FER: variants seen among roughly 807,000 people sequenced by gnomAD.
FER encodes the protein tyrosine-protein kinase Fer.
FER carries 63 observed loss-of-function variants against 111.0 expected under a neutral mutation model. The observed-to-expected ratio is 0.57, with a 90% CI of 0.46 to 0.70. The LOEUF is 0.70. Ranked by LOEUF, FER falls within the 30% of genes least tolerant of loss-of-function variation. FER has a pLI of 0.00. For synonymous variants in FER, 327 were observed against 313.9 expected, an observed-to-expected ratio of 1.04 and a Z score of -0.44; for missense variants, 914 against 954.0, an observed-to-expected ratio of 0.96 and a Z score of 0.55.
intron 16 of FER, among the ~76,000 whole-genome samples, chr5:109,063,871 T>C (rs1431874241): frequency 6.6e-6 from 1 of 152,044 alleles, no homozygotes; most frequent in African/African-American, 2.4e-5. Flanking sequence ...GAATGAGTAC[T>C]TTTTTTCTTT....
At chr5:108,985,670 G>T (rs58620246) in intron 13 of FER, among the ~76,000 whole-genome samples, 11,291 of 152,150 alleles carry the variant, frequency 0.074, 1,054 homozygotes, top group African/African-American at 0.22. Context: ...TCCCACTCAT[G>T]AGTGAGAACA....
chr5:109,102,291 G>T (rs1251189301), intron 17 of FER, among the ~76,000 whole-genome samples: 2 of 152,022 alleles, frequency 1.3e-5, no homozygotes, highest in African/African-American at 2.4e-5. Context: ...CTAGCAGGTT[G>T]TGCATAGACC....
chr5:108,798,044 G>T (rs1756235646), intron 2 of FER, 80 bp from the exon 3 acceptor site: 2 of 543,336 alleles, frequency 3.7e-6, no homozygotes, highest in South Asian at 3.1e-5. Context: ...CCCCAAAGAA[G>T]AATCTATCAT....
chr5:109,125,045 CAAA>C (rs373849561), intron 17 of FER, among the ~76,000 whole-genome samples: 4 of 75,612 alleles, frequency 5.3e-5, no homozygotes, highest in Admixed American at 2.9e-4. Flanking sequence ...GACTCTGTCT[CAAA>C]AAAAAAAAAA....
At chr5:109,084,748 A>G (rs1421710430) in intron 16 of FER, among the ~76,000 whole-genome samples, 2 of 151,886 alleles carry the variant, frequency 1.3e-5, no homozygotes, top group Non-Finnish European at 2.9e-5. Context: ...AGATCTATAA[A>G]TCATTTGAAA....
chr5:109,173,522 C>T (rs1293433638), intron 17 of FER, among the ~76,000 whole-genome samples: 1 of 152,200 alleles, frequency 6.6e-6, no homozygotes, highest in East Asian at 1.9e-4. Context: ...GCATTGTTGT[C>T]CCCACCCAGT....
intron 11 of FER, among the ~76,000 whole-genome samples, chr5:108,953,848 ACT>A (rs1239058841): frequency 6.6e-6 from 1 of 152,054 alleles, no homozygotes; most frequent in Non-Finnish European, 1.5e-5. Flanking sequence ...ACCGCAAAGT[ACT>A]CTCTCTATCT....
chr5:108,882,034 T>C (rs748426238), intron 8 of FER, among the ~76,000 whole-genome samples: 4 of 152,172 alleles, frequency 2.6e-5, no homozygotes, highest in Admixed American at 6.6e-5. Flanking sequence ...TATATATGTG[T>C]ACCTAATTCT....
intron 10 of FER, among the ~76,000 whole-genome samples, chr5:108,902,462 T>G (rs1750175861): frequency 6.6e-6 from 1 of 152,124 alleles, no homozygotes; most frequent in Non-Finnish European, 1.5e-5. Context: ...AGAATTTGAG[T>G]CATGTTGGGT....
rs1208473956 is a variant in FER at position 108,756,173 on chromosome 5, AT to A, written c.-206+8174del. On this transcript the variant is annotated intron_variant, in intron 1 of 19. Transcript: ENST00000281092. ...CTCCATCTCAAAAAAAAAAAAAAAA[AT>A]AATAATAATAAATACAATAAAAAGA... is the stretch of plus-strand genomic sequence containing the variant. 1.5e-3 allele frequency among the ~76,000 whole-genome samples: 218 copies of A among 142,614 alleles called. 1 individual carries two copies. The highest frequency in any genetic ancestry group is 4.3e-3 in the African/African-American group (166 of 38,902). The allele number at this position is 142,614 out of a possible 152,430, so 93.6% of individuals were successfully genotyped here.
At chr5:109,004,311 A>T (rs972346596) in intron 13 of FER, among the ~76,000 whole-genome samples, 1 of 152,156 alleles carries the variant, frequency 6.6e-6, no homozygotes, top group Non-Finnish European at 1.5e-5. Flanking sequence ...CATTTCCCTA[A>T]TCACAGAATA....
intron 1 of FER, among the ~76,000 whole-genome samples, chr5:108,767,527 C>T (rs376187626): frequency 1.3e-5 from 2 of 152,098 alleles, no homozygotes; most frequent in South Asian, 2.1e-4. Flanking sequence ...CTCTGTCATC[C>T]GAGCTGAGGT....
At chr5:108,767,535 G>A (rs1752455045) in intron 1 of FER, among the ~76,000 whole-genome samples, 1 of 152,148 alleles carries the variant, frequency 6.6e-6, no homozygotes, top group Non-Finnish European at 1.5e-5. Context: ...TCCGAGCTGA[G>A]GTGCAGTGGC....
intron 3 of FER, among the ~76,000 whole-genome samples, chr5:108,801,364 T>C (rs1281210275): frequency 2.0e-5 from 3 of 152,234 alleles, no homozygotes; most frequent in Non-Finnish European, 4.4e-5. Context: ...TTTTTGTCTA[T>C]CATGACATCA....
At chr5:109,118,310 A>G (rs1242211787) in intron 17 of FER, among the ~76,000 whole-genome samples, 2 of 152,172 alleles carry the variant, frequency 1.3e-5, no homozygotes, top group Non-Finnish European at 2.9e-5. Context: ...GATTATATTT[A>G]TTGATTTTCG....
intron 17 of FER, among the ~76,000 whole-genome samples, chr5:109,144,424 T>G (rs1353031332): frequency 6.6e-6 from 1 of 152,112 alleles, no homozygotes; most frequent in Non-Finnish European, 1.5e-5. Context: ...AAATCAAGAT[T>G]ACAGTGCATC....
chr5:109,048,063 C>T (rs912285722), intron 16 of FER, among the ~76,000 whole-genome samples: 2 of 152,068 alleles, frequency 1.3e-5, no homozygotes, highest in Admixed American at 6.5e-5. Flanking sequence ...TTACTTTTAA[C>T]AATTATTTAC....
At chr5:109,075,659 G>A (rs1239536397) in intron 16 of FER, among the ~76,000 whole-genome samples, 1 of 151,870 alleles carries the variant, frequency 6.6e-6, no homozygotes, top group East Asian at 1.9e-4. Context: ...TCCTGACCTC[G>A]TGATCCACCC....
intron 10 of FER, among the ~76,000 whole-genome samples, chr5:108,902,856 T>C (rs1750231024): frequency 6.6e-6 from 1 of 152,044 alleles, no homozygotes; most frequent in South Asian, 2.1e-4. Context: ...GATGAGAATA[T>C]CAAAATTTTC....
Sources: gnomAD v4.1 joint callset for allele counts (sites outside exome capture counted in the v4.1 genomes callset) on GRCh38, gnomAD v4.1.1 for gene constraint, MANE v1.5 for transcripts, NCBI Gene and HGNC (gene_info 2026-07-23, HGNC 2026-07-21) for gene names.